Variants in LRRC8C observed in about 807,000 individuals in gnomAD.
LRRC8C encodes the protein leucine rich repeat containing 8 VRAC subunit C.
LRRC8C carries 20 observed loss-of-function variants against 55.3 expected under a neutral mutation model. The ratio of observed to expected loss-of-function variants is 0.36; its 90% CI spans 0.25 to 0.53. The LOEUF (loss-of-function observed/expected upper bound fraction) is 0.53, where lower values mean the gene tolerates loss of function less well. LRRC8C is among the 20% of genes least tolerant of loss of function. LRRC8C has a pLI of 0.92. For missense variants in LRRC8C, 659 were observed against 951.4 expected (o/e 0.69, Z 4.04); for synonymous variants, 376 against 360.7 (o/e 1.04, Z -0.48).
At chr1:89,677,464 A>G (rs1657583161) in intron 1 of LRRC8C, among the ~76,000 whole-genome samples, 1 of 152,248 alleles carries the variant, frequency 6.6e-6, no homozygotes, top group South Asian at 2.1e-4. Flanking sequence ...AAACATGAAA[A>G]GAGAAATTTG....
chr1:89,693,481 T>A (rs1455077862), intron 2 of LRRC8C, among the ~76,000 whole-genome samples: 1 of 152,088 alleles, frequency 6.6e-6, no homozygotes, highest in African/African-American at 2.4e-5. Flanking sequence ...CTAGTAGATC[T>A]TTTTCTTTGG....
At chr1:89,690,698 A>C (rs1348971909) in intron 2 of LRRC8C, among the ~76,000 whole-genome samples, 4 of 152,200 alleles carry the variant, frequency 2.6e-5, no homozygotes, top group Non-Finnish European at 5.9e-5. Flanking sequence ...TTCAAGCACA[A>C]GCTAAACCTC....
At chr1:89,628,739 G>T (rs1656036640), upstream of LRRC8C, among the ~76,000 whole-genome samples, 3 of 152,342 alleles carry the variant, frequency 2.0e-5, no homozygotes, top group Admixed American at 1.3e-4. Flanking sequence ...TGGAATGAGG[G>T]TCTTAATTTC....
At chr1:89,656,822 T>A (rs1413927629) in intron 1 of LRRC8C, among the ~76,000 whole-genome samples, 2 of 151,952 alleles carry the variant, frequency 1.3e-5, no homozygotes, top group Non-Finnish European at 2.9e-5. Context: ...AGCCTAGCTA[T>A]TTTTTTTATT....
chr1:89,669,862 T>A (rs887611606), intron 1 of LRRC8C, among the ~76,000 whole-genome samples: 3 of 152,156 alleles, frequency 2.0e-5, no homozygotes, highest in African/African-American at 7.2e-5. Flanking sequence ...TCCAAAAAAG[T>A]AGAGATTGGA....
At chr1:89,619,185 A>AT in the LRRC8C span, among the ~76,000 whole-genome samples, 1 of 152,298 alleles carries the variant, frequency 6.6e-6, no homozygotes, top group East Asian at 1.9e-4. Context: ...CCATTTTTCT[A>AT]TATCAGTAAC....
intron 2 of LRRC8C, among the ~76,000 whole-genome samples, chr1:89,694,083 G>A (rs891831913): frequency 9.2e-5 from 14 of 151,674 alleles, no homozygotes; most frequent in Non-Finnish European, 2.9e-5. Context: ...ATCTCTGTGG[G>A]GATGGTAGTG....
At chr1:89,669,479 A>G (rs1360318367) in intron 1 of LRRC8C, among the ~76,000 whole-genome samples, 1 of 152,174 alleles carries the variant, frequency 6.6e-6, no homozygotes, top group East Asian at 1.9e-4. Context: ...AGTCATTATC[A>G]TAGCTATCAA....
chr1:89,662,043 A>G (rs553334778), intron 1 of LRRC8C, among the ~76,000 whole-genome samples: 216 of 152,330 alleles, frequency 1.4e-3, no homozygotes, highest in African/African-American at 5.1e-3. Flanking sequence ...GTGCCAAGAA[A>G]CCACTCTAAC....
the LRRC8C span, among the ~76,000 whole-genome samples, chr1:89,620,311 G>A: frequency 6.6e-6 from 1 of 151,858 alleles, no homozygotes; most frequent in Non-Finnish European, 1.5e-5. Context: ...AATTTTGAGG[G>A]GACACAAACA....
chr1:89,632,558 C>T (rs1225535569), upstream of LRRC8C: 1 of 152,680 alleles, frequency 6.5e-6, no homozygotes, highest in East Asian at 1.9e-4. Context: ...AGGAGGCCTT[C>T]GCTTCTCCTG....
intron 1 of LRRC8C, among the ~76,000 whole-genome samples, chr1:89,639,740 A>T (rs557943902): frequency 6.6e-6 from 1 of 152,246 alleles, no homozygotes; most frequent in African/African-American, 2.4e-5. Context: ...TAGCTGCTCA[A>T]TAAATAATCA....
Position 89,686,537 on chromosome 1 carries a change from C to T in LRRC8C, c.64C>T (p.Pro22Ser). The change falls in exon 2 of 3, where the codon CCA (proline) becomes TCA (serine). Residue 22 changes from proline (P) to serine (S), a missense_variant. Around this residue, in one of 5 missense-constraint regions of LRRC8C, gnomAD observed 17 missense variants for 38.2 expected, o/e 0.44. Coordinates refer to ENST00000370454, the MANE Select transcript of LRRC8C (RefSeq NM_032270.5). The stretch of plus-strand genomic sequence containing the variant: ...GCAGCCTGCCTTCCGAGTGCTGAAG[C>T]CATGGTGGGATGTGTTTACCGATTA... ...EQQPAFRVLK[P>S]WWDVFTDYLS... 6.2e-7 allele frequency: 1 copy of T among 1,614,154 alleles called. No individual in the cohort carries two copies. The highest frequency in any genetic ancestry group is 8.5e-7 in the Non-Finnish European group (1 of 1,180,000).
intron 1 of LRRC8C, among the ~76,000 whole-genome samples, chr1:89,648,019 T>C (rs1656660720): frequency 6.6e-6 from 1 of 152,182 alleles, no homozygotes; most frequent in Non-Finnish European, 1.5e-5. Flanking sequence ...CAGTGAACTA[T>C]GTTTGCAACA....
At chr1:89,707,646 G>T (rs903616945) in intron 2 of LRRC8C, among the ~76,000 whole-genome samples, 1 of 123,200 alleles carries the variant, frequency 8.1e-6, no homozygotes, top group Non-Finnish European at 1.6e-5. Flanking sequence ...GTGTGTGTGT[G>T]TGTGAGTGTG....
chr1:89,651,423 C>T lies in LRRC8C; in HGVS notation c.-5+18101C>T, dbSNP rs962101985. On this transcript the variant is annotated intron_variant, in intron 1 of 2. Coordinates refer to ENST00000370454, the MANE Select transcript of LRRC8C (RefSeq NM_032270.5). ...CTCTGCTGAAAGTACAAAAAATTAGCCGGGCATGGTGGCGGGCGCCTCTAC... is the reference window on the plus strand; with the variant it reads ...CTCTGCTGAAAGTACAAAAAATTAGTCGGGCATGGTGGCGGGCGCCTCTAC... Among the ~76,000 whole-genome samples the T allele has an allele frequency of 7.2e-5, 11 of 151,874 alleles. 1 individual carries two copies. The highest frequency in any genetic ancestry group is 2.6e-4 in the Admixed American group (4 of 15,244).
chr1:89,640,755 G>A (rs1004796882), intron 1 of LRRC8C, among the ~76,000 whole-genome samples: 2 of 152,204 alleles, frequency 1.3e-5, no homozygotes, highest in Admixed American at 1.3e-4. Context: ...ATCTGAGTTG[G>A]GTGTTTTAGA....
chr1:89,667,512 A>G (rs1250986534), intron 1 of LRRC8C, among the ~76,000 whole-genome samples: 1 of 152,144 alleles, frequency 6.6e-6, no homozygotes, highest in East Asian at 1.9e-4. Flanking sequence ...CGAGTTACTT[A>G]TATTGGGAAA....
upstream of LRRC8C, among the ~76,000 whole-genome samples, chr1:89,628,615 A>G (rs1477054401): frequency 6.6e-6 from 1 of 152,194 alleles, no homozygotes. Flanking sequence ...ATTGGACAAA[A>G]GGGGTATGAT....
Sources: allele counts gnomAD v4.1 joint callset (sites outside exome capture counted in the v4.1 genomes callset), GRCh38; gene constraint gnomAD v4.1.1; regional missense constraint gnomAD v4.1.1; transcripts MANE v1.5; gene names NCBI Gene and HGNC (gene_info 2026-07-23, HGNC 2026-07-21).